Variants in NT5C2 observed in about 807,000 individuals in gnomAD.
NT5C2 encodes the protein cytosolic purine 5'-nucleotidase.
Under a neutral mutation model 76.1 loss-of-function variants are expected in NT5C2, and 58 were observed. That is an observed-to-expected ratio of 0.76 (90% CI 0.62 to 0.95). The LOEUF is 0.95. NT5C2 is among the 40% of genes least tolerant of loss of function. The pLI is 0.00. For synonymous variants in NT5C2, 229 were observed against 237.4 expected, an observed-to-expected ratio of 0.96 and a Z score of 0.32; for missense variants, 478 against 690.3, an observed-to-expected ratio of 0.69 and a Z score of 3.45.
In NT5C2 at chr10:103,090,740, C is replaced by T; in HGVS notation, c.1320G>A (p.Leu440=). 1.2e-6 allele frequency: 2 copies of T among 1,614,198 alleles called. No homozygotes were observed. The highest frequency in any genetic ancestry group is 3.3e-4 in the Middle Eastern group (2 of 6,062). The change falls in exon 18 of 19, where the codon CTG becomes CTA. Residue 440 remains leucine (L), a synonymous_variant. Transcript: ENST00000404739. The part of the protein sequence containing the change: ...MDMCYGMMGS[L]FRSGSRQTLF... ...GGGTCTGCCGGGAGCCACTGCGAAACAGGCTTCCCATCATCCCATAGCACA... is the reference window on the plus strand; with the variant it reads ...GGGTCTGCCGGGAGCCACTGCGAAATAGGCTTCCCATCATCCCATAGCACA...
chr10:103,187,092 A>C (rs867635700), intron 1 of NT5C2, among the ~76,000 whole-genome samples: 1 of 151,874 alleles, frequency 6.6e-6, no homozygotes. Context: ...TCTACTAAAA[A>C]TACAAAAATT....
chr10:103,145,086 C>T (rs1431115258), intron 3 of NT5C2, among the ~76,000 whole-genome samples: 1 of 152,100 alleles, frequency 6.6e-6, no homozygotes, highest in Non-Finnish European at 1.5e-5. Flanking sequence ...GTATGAATAG[C>T]TGAAGTGCAT....
chr10:103,107,873 G>A (rs927544656), intron 4 of NT5C2, among the ~76,000 whole-genome samples: 3 of 151,630 alleles, frequency 2.0e-5, no homozygotes, highest in African/African-American at 2.4e-5. Context: ...AAAATGTTGC[G>A]GCCAGGTGCG....
At chr10:103,165,987 T>G (rs538720872) in intron 3 of NT5C2, among the ~76,000 whole-genome samples, 353 of 152,382 alleles carry the variant, frequency 2.3e-3, no homozygotes, top group African/African-American at 7.4e-3. Context: ...GAGAATTTTT[T>G]AAGTTAAACT....
chr10:103,185,725 C>T (rs1395623070), intron 1 of NT5C2, among the ~76,000 whole-genome samples: 2 of 150,672 alleles, frequency 1.3e-5, no homozygotes, highest in African/African-American at 4.9e-5. Flanking sequence ...CATTCTCTTA[C>T]CAATGAACTC....
chr10:103,136,630 T>A lies in NT5C2; in HGVS notation c.175+2776A>T, dbSNP rs1386721031. Among the ~76,000 whole-genome samples, 601 of 151,390 alleles carry A rather than the reference T, an allele frequency of 4.0e-3. 5 individuals carry two copies. Among genetic ancestry groups the A allele is most frequent in the African/African-American group, 0.013 (551 of 41,316 alleles). ...TAGAGACAGATTCAGTTAATTATTT[T>A]TTTTTTTTTTTTGAGACACGGTCTC... On this transcript the variant is annotated intron_variant, in intron 4 of 18. Transcript: ENST00000404739.
intron 4 of NT5C2, 108 bp downstream of exon 4, chr10:103,139,298 A>C: frequency 3.3e-6 from 2 of 599,200 alleles, no homozygotes; most frequent in South Asian, 6.4e-5. Context: ...AGCTTCTGGC[A>C]GCCAAATACA....
At chr10:103,098,747 A>G in intron 10 of NT5C2, 184 bp downstream of exon 10, 1 of 539,614 alleles carries the variant, frequency 1.9e-6, no homozygotes, top group Non-Finnish European at 3.3e-6. Context: ...GCCTATCAAG[A>G]AACAGGAAAA....
At chr10:103,187,019 G>A (rs1017593861) in intron 1 of NT5C2, among the ~76,000 whole-genome samples, 2 of 152,200 alleles carry the variant, frequency 1.3e-5, no homozygotes, top group African/African-American at 2.4e-5. Context: ...GGGAGGCTGA[G>A]GTGGGCGGAT....
intron 2 of NT5C2, among the ~76,000 whole-genome samples, chr10:103,180,636 C>A (rs546530182): frequency 1.3e-5 from 2 of 151,934 alleles, no homozygotes; most frequent in African/African-American, 4.8e-5. Context: ...GAGGATCACA[C>A]GAGCCCAAGA....
intron 3 of NT5C2, among the ~76,000 whole-genome samples, chr10:103,170,649 G>T (rs1484539286): frequency 6.6e-6 from 1 of 150,402 alleles, no homozygotes; most frequent in East Asian, 1.9e-4. Flanking sequence ...CAGCCTCCCA[G>T]GTAGCTGAGT....
intron 2 of NT5C2, among the ~76,000 whole-genome samples, chr10:103,180,019 T>C (rs1176339331): frequency 6.6e-6 from 1 of 152,206 alleles, no homozygotes; most frequent in African/African-American, 2.4e-5. Context: ...ACAAAAGGAC[T>C]TGTATCCAGA....
chr10:103,172,911 G>T (rs919688107), intron 3 of NT5C2, among the ~76,000 whole-genome samples: 2 of 152,224 alleles, frequency 1.3e-5, no homozygotes, highest in Non-Finnish European at 2.9e-5. Context: ...AGACAGCTGA[G>T]GCAGGAGAAT....
At chr10:103,163,799 T>C (rs1011849698) in intron 3 of NT5C2, among the ~76,000 whole-genome samples, 21 of 148,976 alleles carry the variant, frequency 1.4e-4, no homozygotes, top group Non-Finnish European at 2.5e-4. Context: ...GGTGAATCAC[T>C]TGAGGTCAGG....
chr10:103,097,989 G>A (rs758994837), intron 10 of NT5C2: 1 of 518,040 alleles, frequency 1.9e-6, no homozygotes, highest in Non-Finnish European at 3.9e-6. Context: ...GTTCTTTCTT[G>A]AAATAAGGGA....
chr10:103,146,454 T>C (rs11191580), intron 3 of NT5C2: 79,013 of 984,390 alleles, frequency 0.08, 3,899 homozygotes, highest in East Asian at 0.28. Context: ...TAATTACACA[T>C]TGAAAATTTG....
At chr10:103,183,651 T>TAC (rs938237027) in intron 1 of NT5C2, among the ~76,000 whole-genome samples, 4 of 149,506 alleles carry the variant, frequency 2.7e-5, no homozygotes, top group East Asian at 2.0e-4. Context: ...CATACACACA[T>TAC]ACACACACAC....
intron 4 of NT5C2, among the ~76,000 whole-genome samples, chr10:103,111,109 C>T (rs554008333): frequency 2.0e-5 from 3 of 152,234 alleles, no homozygotes; most frequent in Non-Finnish European, 4.4e-5. Context: ...TTCAATTTCT[C>T]TCCCACAACT....
chr10:103,123,320 C>T (rs986733660), intron 4 of NT5C2, among the ~76,000 whole-genome samples: 2 of 151,950 alleles, frequency 1.3e-5, no homozygotes, highest in Non-Finnish European at 2.9e-5. Context: ...CCAGGGTATA[C>T]GTGCAGGATG....
Sources: gnomAD v4.1 joint callset for allele counts (sites outside exome capture counted in the v4.1 genomes callset) on GRCh38, gnomAD v4.1.1 for gene constraint, MANE v1.5 for transcripts, NCBI Gene and HGNC (gene_info 2026-07-23, HGNC 2026-07-21) for gene names.